The following MORC1 variants were observed in gnomAD, a reference collection of about 807,000 sequenced individuals.
MORC1 encodes the protein MORC family CW-type zinc finger 1, also known as MORC family CW-type zinc finger protein 1.
Under a neutral mutation model 134.9 loss-of-function variants are expected in MORC1, and 59 were observed. The ratio of observed to expected loss-of-function variants is 0.44; its 90% CI spans 0.35 to 0.54. The LOEUF is 0.54. Among genes scored for constraint, MORC1 ranks in the 20% least tolerant of loss-of-function variants. The pLI is 0.00. For synonymous variants in MORC1, 395 were observed against 391.7 expected (o/e 1.01, Z -0.10); for missense variants, 947 against 1,134.5 (o/e 0.83, Z 2.37).
At chr3:109,015,368 T>C (rs1948793475) in intron 17 of MORC1, among the ~76,000 whole-genome samples, 2 of 152,166 alleles carry the variant, frequency 1.3e-5, no homozygotes, top group Non-Finnish European at 1.5e-5. Context: ...GATTATACCA[T>C]AGTCAATGAG....
At chr3:109,061,399 T>C (rs1353524374) in intron 11 of MORC1, among the ~76,000 whole-genome samples, 3 of 152,332 alleles carry the variant, frequency 2.0e-5, no homozygotes, top group East Asian at 3.9e-4. Flanking sequence ...TAGTTCTTTT[T>C]AACTTATCTT....
chr3:109,073,154 T>C (rs1950353738), intron 8 of MORC1, among the ~76,000 whole-genome samples: 1 of 152,232 alleles, frequency 6.6e-6, no homozygotes, highest in Non-Finnish European at 1.5e-5. Context: ...GGCTGTGCTT[T>C]CTGTGTGGCC....
At chr3:109,109,057 A>G (rs1490495311) in intron 3 of MORC1, among the ~76,000 whole-genome samples, 3 of 152,204 alleles carry the variant, frequency 2.0e-5, no homozygotes, top group Admixed American at 6.5e-5. Flanking sequence ...GAGCCTCAGC[A>G]TTGTTCCCTG....
chr3:109,049,771 T>C (rs1559919925), intron 14 of MORC1, among the ~76,000 whole-genome samples: 1 of 152,170 alleles, frequency 6.6e-6, no homozygotes, highest in African/African-American at 2.4e-5. Flanking sequence ...CACATATTAT[T>C]AGGTGTACCA....
chr3:109,028,135 A>G (rs1949132773), intron 16 of MORC1, among the ~76,000 whole-genome samples: 1 of 152,224 alleles, frequency 6.6e-6, no homozygotes, highest in African/African-American at 2.4e-5. Flanking sequence ...GGAAAGCATC[A>G]ATTATATTGC....
chr3:108,996,286 G>GCGCACACACACACACACACACACACA, intron 21 of MORC1, among the ~76,000 whole-genome samples: 22 of 146,468 alleles, frequency 1.5e-4, no homozygotes, highest in African/African-American at 5.1e-4. Flanking sequence ...GCGCGCGCGC[G>GCGCACACACACACACACACACACACA]CACACACACA....
intron 1 of MORC1, among the ~76,000 whole-genome samples, chr3:109,115,141 AT>A (rs1417588331): frequency 6.6e-6 from 1 of 152,302 alleles, no homozygotes; most frequent in African/African-American, 2.4e-5. Context: ...GCATATTTCA[AT>A]CAGCAACCTT....
intron 14 of MORC1, among the ~76,000 whole-genome samples, chr3:109,042,675 C>T (rs1370640142): frequency 6.6e-6 from 1 of 151,980 alleles, no homozygotes; most frequent in African/African-American, 2.4e-5. Flanking sequence ...GATATGGGAT[C>T]AATCTACATG....
chr3:108,969,365 C>G (rs1287135278), intron 26 of MORC1, among the ~76,000 whole-genome samples: 2 of 152,180 alleles, frequency 1.3e-5, no homozygotes, highest in Non-Finnish European at 2.9e-5. Flanking sequence ...ATTTCTGCTT[C>G]AGTCTAGCAT....
chr3:109,112,246 T>C (rs1951182769), intron 2 of MORC1, among the ~76,000 whole-genome samples: 1 of 152,226 alleles, frequency 6.6e-6, no homozygotes, highest in Non-Finnish European at 1.5e-5. Context: ...GAAGAGCTAT[T>C]GTATTAGGAA....
intron 8 of MORC1, among the ~76,000 whole-genome samples, chr3:109,074,774 T>C (rs1363220984): frequency 1.3e-5 from 2 of 152,214 alleles, no homozygotes; most frequent in East Asian, 3.9e-4. Context: ...GATAGTAAGC[T>C]AGAAAGAGGT....
At chr3:109,076,304 G>A (rs1412873160) in intron 8 of MORC1, among the ~76,000 whole-genome samples, 1 of 152,130 alleles carries the variant, frequency 6.6e-6, no homozygotes, top group Non-Finnish European at 1.5e-5. Context: ...CAGGTAGAAT[G>A]GCAATCATTA....
At chr3:109,086,914 C>A (rs1950625360) in intron 8 of MORC1, among the ~76,000 whole-genome samples, 1 of 151,900 alleles carries the variant, frequency 6.6e-6, no homozygotes, top group African/African-American at 2.4e-5. Context: ...TAAGTTATAT[C>A]TAATATAAAG....
chr3:109,078,863 T>A (rs568574645), intron 8 of MORC1, among the ~76,000 whole-genome samples: 1 of 151,838 alleles, frequency 6.6e-6, no homozygotes, highest in African/African-American at 2.4e-5. Flanking sequence ...AAAAACTCCA[T>A]GTCAACAAAC....
intron 20 of MORC1, among the ~76,000 whole-genome samples, chr3:109,001,656 T>A (rs1948407048): frequency 6.6e-6 from 1 of 152,212 alleles, no homozygotes; most frequent in Non-Finnish European, 1.5e-5. Flanking sequence ...TCCTTCACAA[T>A]CTCTGTGCAC....
chr3:109,004,932 C>T, intron 19 of MORC1, 44 bp from the exon 20 acceptor site: 2 of 1,594,780 alleles, frequency 1.3e-6, no homozygotes, highest in Non-Finnish European at 8.5e-7. Context: ...GAAATTGGGA[C>T]CTTGTCCAGG....
At chr3:108,971,971 G>A (rs1947396130) in intron 24 of MORC1, among the ~76,000 whole-genome samples, 1 of 152,112 alleles carries the variant, frequency 6.6e-6, no homozygotes, top group South Asian at 2.1e-4. Flanking sequence ...ACTCAGCATT[G>A]CAAATTTCCT....
chr3:108,966,018 GA>G (rs1341569516), intron 26 of MORC1, among the ~76,000 whole-genome samples: 4 of 152,072 alleles, frequency 2.6e-5, no homozygotes, highest in African/African-American at 9.7e-5. Flanking sequence ...ACCTCTCCAG[GA>G]AGTTTCTATG....
chr3:109,009,722 A>AT lies in MORC1; in HGVS notation c.1705-2632dup, dbSNP rs113419473. ...ATACCTCTTGGTCAAAGGAATCTAT[A>AT]TTTTTTTTTTACAGTGGAGTAATTT... On this transcript the variant is annotated intron_variant, in intron 17 of 27. Transcript: ENST00000232603. Among the ~76,000 whole-genome samples, 313 of 149,742 alleles carry AT rather than the reference A, an allele frequency of 2.1e-3. 3 individuals are homozygous for AT. Among genetic ancestry groups the AT allele is most frequent in the African/African-American group, 6.3e-3 (259 of 40,848 alleles).
Sources: allele counts gnomAD v4.1 joint callset (sites outside exome capture counted in the v4.1 genomes callset), GRCh38; gene constraint gnomAD v4.1.1; transcripts MANE v1.5; gene names NCBI Gene and HGNC (gene_info 2026-07-23, HGNC 2026-07-21).